SAFB2: variants seen among roughly 807,000 people sequenced by gnomAD.
SAFB2 encodes scaffold attachment factor B2.
SAFB2 carries 32 observed loss-of-function variants against 100.6 expected under a neutral mutation model. That is an observed-to-expected ratio of 0.32 (90% CI 0.24 to 0.43). The LOEUF (loss-of-function observed/expected upper bound fraction) is 0.43. SAFB2 is among the 20% of genes least tolerant of loss of function. SAFB2 has a pLI of 1.00. For synonymous variants in SAFB2, 500 were observed against 439.4 expected (o/e 1.14, Z -1.72); for missense variants, 1,185 against 1,163.4 (o/e 1.02, Z -0.27).
intron 6 of SAFB2, chr19:5,612,050 T>G (rs940650545): frequency 8.7e-6 from 3 of 346,802 alleles, no homozygotes; most frequent in Admixed American, 4.6e-5. Context: ...AATCAGAATC[T>G]CTTCTGACGG....
chr19:5,600,032 T>C (rs935511169), intron 12 of SAFB2, 98 bp downstream of exon 12: 18 of 1,269,532 alleles, frequency 1.4e-5, no homozygotes, highest in African/African-American at 9.0e-5. Context: ...GAAACAGCCA[T>C]GTCACCAGAG....
At chr19:5,588,787 G>A (rs1352481565) in intron 18 of SAFB2, 1 of 152,250 alleles carries the variant, frequency 6.6e-6, no homozygotes, top group Non-Finnish European at 1.5e-5. Flanking sequence ...AATCAGCCGT[G>A]GGGATGGCTA....
At chr19:5,598,905 A>G (rs761385845) in intron 12 of SAFB2, 21 bp from the exon 13 acceptor site, 2 of 1,612,164 alleles carry the variant, frequency 1.2e-6, no homozygotes, top group Admixed American at 3.3e-5. Context: ...AAACACAACA[A>G]ACTATCAAAA....
Position 5,603,917 on chromosome 19 carries a change from T to A in SAFB2, c.1559+666A>T, listed in dbSNP as rs572570240. On this transcript the variant is annotated intron_variant, in intron 11 of 20. Coordinates refer to ENST00000252542, the MANE Select transcript of SAFB2 (RefSeq NM_014649.3). Reference sequence around the variant, plus strand: ...GTTGCTGTGATTAATAAGTGAGAACTGCATGAAAATCAACGTGGATGAGGA... The same window carrying A: ...GTTGCTGTGATTAATAAGTGAGAACAGCATGAAAATCAACGTGGATGAGGA... 1.2e-3 allele frequency among the ~76,000 whole-genome samples: 178 copies of A among 152,306 alleles called. 1 individual carries two copies. The highest frequency in any genetic ancestry group is 4.0e-3 in the African/African-American group (166 of 41,562).
At chr19:5,609,437 G>A (rs2052856311) in intron 9 of SAFB2, among the ~76,000 whole-genome samples, 1 of 151,738 alleles carries the variant, frequency 6.6e-6, no homozygotes, top group Non-Finnish European at 1.5e-5. Context: ...CCGAGTAGCT[G>A]CGACTACAGG....
At chr19:5,615,337 TGAGA>T (rs1263412132) in intron 4 of SAFB2, among the ~76,000 whole-genome samples, 3 of 150,286 alleles carry the variant, frequency 2.0e-5, no homozygotes, top group East Asian at 2.0e-4. Context: ...CCTGGGTGAC[TGAGA>T]GAGACTCTGT....
In SAFB2 at chr19:5,595,362, G is replaced by A. The variant is rs769740092; in HGVS notation, c.1918C>T (p.Arg640Trp). 5.6e-6 allele frequency: 9 copies of A among 1,608,752 alleles called. No homozygotes were observed. The highest frequency in any genetic ancestry group is 7.6e-6 in the Non-Finnish European group (9 of 1,179,702). Residue 640 changes from arginine (R) to tryptophan (W), a missense_variant and splice_region_variant, in exon 14 of 21, where the codon CGG becomes TGG. By Grantham distance (101) the Arg-to-Trp change is moderately radical. Transcript: ENST00000252542. ...ACAGCCTCACCCAGCTCCACTCACC[G>A]CCGCCTCTCCGTTTCGCGGATCTCC... Reference protein sequence around the residue: ...EREIRETERRREREQREREQR... With the variant: ...EREIRETERRWEREQREREQR...
chr19:5,604,331 G>C (rs2052727007), intron 11 of SAFB2, among the ~76,000 whole-genome samples: 1 of 152,216 alleles, frequency 6.6e-6, no homozygotes, highest in South Asian at 2.1e-4. Context: ...CTTGAACCCG[G>C]AAGGTGGAGG....
chr19:5,612,334 A>T, intron 6 of SAFB2: 1 of 605,584 alleles, frequency 1.7e-6, no homozygotes, highest in Non-Finnish European at 2.9e-6. Context: ...CATTGCACCA[A>T]ATGTATTTGA....
Position 5,594,102 on chromosome 19 carries a change from C to G in SAFB2, c.1996G>C (p.Glu666Gln). The G allele has an allele frequency of 6.2e-7, 1 of 1,600,456 alleles. No homozygotes were observed. Among genetic ancestry groups the G allele is most frequent in the Non-Finnish European group, 8.5e-7 (1 of 1,177,916 alleles). The change falls in exon 15 of 21, where the codon GAA (glutamate) becomes CAA (glutamine). Residue 666 changes from glutamate to glutamine, a missense_variant. Glu to Gln is a conservative substitution (Grantham distance 29, BLOSUM62 2). This residue lies in a region of SAFB2 where 740 missense variants were observed against 687.1 expected (regional missense o/e 1.08). Coordinates refer to ENST00000252542, the MANE Select transcript of SAFB2 (RefSeq NM_014649.3). ...CGCTGGCACTCGAGCTGCAGGCGTT[C>G]CCGCTGTAGCCGGGCCTTCTCCTTC... ...ERKEKARLQR[E>Q]RLQLECQRQR...
At chr19:5,591,272 C>CTTTTTTTTTTTTTTTTT (rs1199975803) in intron 17 of SAFB2, 1 of 118,302 alleles carries the variant, frequency 8.5e-6, no homozygotes, top group Non-Finnish European at 1.7e-5. Context: ...AATATTTGCG[C>CTTTTTTTTTTTTTTTTT]TTTTTTTTTT....
Position 5,595,210 on chromosome 19 carries a change from C to G in SAFB2, c.1919+151G>C, listed in dbSNP as rs192986513. 3.8e-6 allele frequency: 4 copies of G among 1,044,024 alleles called. No individual in the cohort carries two copies. The African/African-American group carries it at 6.4e-5, about 17-fold the overall frequency. The allele number at this position is 1,044,024 out of a possible 1,614,324, so 64.7% of individuals were successfully genotyped here. A position where few individuals can be genotyped will look rare whatever the true frequency, so the allele number is the denominator to read the frequency against. On this transcript the variant is annotated intron_variant, in intron 14 of 20. Transcript: ENST00000252542. ...GCTCACGTGTGAACAGGTGCTGGCCCCTGCCTCGAGGACCCAGGTTAAGCA... is the reference window on the plus strand; with the variant it reads ...GCTCACGTGTGAACAGGTGCTGGCCGCTGCCTCGAGGACCCAGGTTAAGCA...
chr19:5,598,586 A>T, intron 13 of SAFB2: 1 of 577,562 alleles, frequency 1.7e-6, no homozygotes, highest in Non-Finnish European at 3.1e-6. Flanking sequence ...AGGAGCCAGT[A>T]AGGGAAGCAA....
At chr19:5,597,582 T>C (rs1398412295) in intron 13 of SAFB2, among the ~76,000 whole-genome samples, 4 of 152,266 alleles carry the variant, frequency 2.6e-5, no homozygotes, top group Non-Finnish European at 4.4e-5. Context: ...AGGGGACGTG[T>C]GTGCAGAGGA....
In SAFB2 at chr19:5,622,669, G is replaced by A. The variant is rs1449998102; in HGVS notation, c.47C>T (p.Ala16Val). ...PGSGDSGPGT[A>V]SLGPGVAETG... ...CTCCGCAACGCCCGGGCCGAGAGAA[G>A]CCGTGCCAGGGCCCGAGTCGCCCGA... Residue 16 changes from alanine to valine, a missense_variant, in exon 1 of 21, where the codon GCT becomes GTT. Ala to Val is a moderately conservative substitution (Grantham distance 64). Around this residue, in one of 3 missense-constraint regions of SAFB2, gnomAD observed 351 missense variants for 341.2 expected, o/e 1.03. Coordinates refer to ENST00000252542, the MANE Select transcript of SAFB2 (RefSeq NM_014649.3). 8 of 1,608,028 alleles carry A rather than the reference G, an allele frequency of 5.0e-6. No individual in the cohort carries two copies. Among genetic ancestry groups the A allele is most frequent in the Non-Finnish European group, 6.8e-6 (8 of 1,178,826 alleles).
Position 5,609,051 on chromosome 19 carries a change from CAAAAAAAAAAA to C in SAFB2, c.1296+933_1296+943del, listed in dbSNP as rs60419324. Among the ~76,000 whole-genome samples, 9 of 72,688 alleles carry C rather than the reference CAAAAAAAAAAA, an allele frequency of 1.2e-4. No homozygotes were observed. The South Asian group carries it at 4.0e-3, about 32-fold the overall frequency. 47.7% of individuals were successfully genotyped at this position (72,688 alleles called of 152,430 possible). ...TGGGCAACAGAGCGAGACGCAGTCT[CAAAAAAAAAAA>C]AAAAAAAAAAAAGAACAACAAACAA... On this transcript the variant is annotated intron_variant, in intron 9 of 20. Transcript: ENST00000252542.
At chr19:5,601,016 A>T (rs1257930794) in intron 11 of SAFB2, among the ~76,000 whole-genome samples, 2 of 152,160 alleles carry the variant, frequency 1.3e-5, no homozygotes, top group Non-Finnish European at 2.9e-5. Flanking sequence ...GCCCTCCAGC[A>T]AGCACCTGTT....
intron 2 of SAFB2, among the ~76,000 whole-genome samples, chr19:5,618,255 G>C (rs960018333): frequency 3.2e-4 from 48 of 152,284 alleles, no homozygotes; most frequent in African/African-American, 1.0e-3. Context: ...TCAGCTACTC[G>C]GGAGGCTGAG....
intron 6 of SAFB2, chr19:5,611,964 A>G: frequency 2.3e-6 from 1 of 442,584 alleles, no homozygotes; most frequent in Non-Finnish European, 4.2e-6. Context: ...TGCTGAACCG[A>G]ATGCAATCAC....
Sources: gnomAD v4.1 joint callset for allele counts (sites outside exome capture counted in the v4.1 genomes callset) on GRCh38, gnomAD v4.1.1 for gene constraint, gnomAD v4.1.1 regional missense constraint, MANE v1.5 for transcripts, NCBI Gene and HGNC (gene_info 2026-07-23, HGNC 2026-07-21) for gene names.